The following ATP9A variants were observed in gnomAD, a reference collection of about 807,000 sequenced individuals.
ATP9A encodes ATPase phospholipid transporting 9A, also known as probable phospholipid-transporting ATPase IIA.
In ATP9A, 52 loss-of-function variants were observed where a neutral mutation model predicts 144.1. The observed-to-expected ratio is 0.36, with a 90% CI of 0.29 to 0.45. The LOEUF (loss-of-function observed/expected upper bound fraction) is 0.45. ATP9A is among the 20% of genes least tolerant of loss of function. The pLI is 1.00. For missense variants in ATP9A, 947 were observed against 1,392.7 expected (o/e 0.68, Z 5.09); for synonymous variants, 582 against 557.4 (o/e 1.04, Z -0.62).
intron 7 of ATP9A, among the ~76,000 whole-genome samples, chr20:51,691,480 G>C (rs1328965004): frequency 6.6e-6 from 1 of 152,092 alleles, no homozygotes; most frequent in African/African-American, 2.4e-5. Context: ...AAAAAGAAAA[G>C]AAAATACTCA....
chr20:51,677,445 T>C (rs1170802381), intron 9 of ATP9A, among the ~76,000 whole-genome samples: 2 of 152,050 alleles, frequency 1.3e-5, no homozygotes, highest in African/African-American at 2.4e-5. Flanking sequence ...CCCAGAGCCT[T>C]CTCCTTTTAC....
rs112304769 is a variant in ATP9A at position 51,745,389 on chromosome 20, T to C, written c.69-15411A>G. ...GGAAGAAGTTATAGTGAGCCAATATTCTGCCACTGCACTCCAGCCAGAGTG... is the reference window on the plus strand; with the variant it reads ...GGAAGAAGTTATAGTGAGCCAATATCCTGCCACTGCACTCCAGCCAGAGTG... On this transcript the variant is annotated intron_variant, in intron 1 of 27. Transcript: ENST00000338821. 7.9e-3 allele frequency among the ~76,000 whole-genome samples: 1,193 copies of C among 150,198 alleles called. 17 individuals are homozygous for C. The highest frequency in any genetic ancestry group is 0.027 in the African/African-American group (1,116 of 40,732).
chr20:51,761,763 A>C (rs1365102700), intron 1 of ATP9A, among the ~76,000 whole-genome samples: 2 of 152,018 alleles, frequency 1.3e-5, no homozygotes, highest in African/African-American at 2.4e-5. Flanking sequence ...CCGCCTCAAA[A>C]AAAAAAAAAA....
At chr20:51,651,309 A>T (rs6063689) in intron 14 of ATP9A, among the ~76,000 whole-genome samples, 28,566 of 97,754 alleles carry the variant, frequency 0.29, 5,603 homozygotes, top group East Asian at 0.43. Context: ...ATATTTACAT[A>T]ATATATTATA....
intron 4 of ATP9A, among the ~76,000 whole-genome samples, chr20:51,708,944 G>T (rs1289064565): frequency 1.3e-5 from 2 of 151,972 alleles, no homozygotes; most frequent in African/African-American, 4.8e-5. Flanking sequence ...GACAAACCTG[G>T]TCTGTTCCTG....
At chr20:51,608,697 G>A in intron 24 of ATP9A, 71 bp from the exon 25 acceptor site, 2 of 932,446 alleles carry the variant, frequency 2.1e-6, no homozygotes, top group Non-Finnish European at 3.5e-6. Flanking sequence ...CCAGCCTCCG[G>A]CACCCAAGTC....
At chr20:51,692,319 C>T (rs1360018338) in intron 7 of ATP9A, among the ~76,000 whole-genome samples, 3 of 152,266 alleles carry the variant, frequency 2.0e-5, no homozygotes, top group East Asian at 3.9e-4. Context: ...GATAAGAAAG[C>T]CCAAAAGTGA....
intron 14 of ATP9A, among the ~76,000 whole-genome samples, chr20:51,641,348 G>C (rs1225429048): frequency 1.5e-4 from 23 of 151,802 alleles, no homozygotes; most frequent in Admixed American, 1.5e-3. Flanking sequence ...AACAGAGCGA[G>C]ACTGTATCTC....
At chr20:51,607,828 G>C (rs1350753614) in intron 25 of ATP9A, among the ~76,000 whole-genome samples, 1 of 152,104 alleles carries the variant, frequency 6.6e-6, no homozygotes, top group African/African-American at 2.4e-5. Context: ...TGGATCACTT[G>C]AGGTCAGGAG....
chr20:51,736,001 G>A (rs1321448677), intron 1 of ATP9A, among the ~76,000 whole-genome samples: 3 of 152,212 alleles, frequency 2.0e-5, no homozygotes, highest in Non-Finnish European at 4.4e-5. Context: ...AAGGCCAGGG[G>A]CCAGAGAGTG....
chr20:51,733,671 CCT>C (rs1491199857), intron 1 of ATP9A, among the ~76,000 whole-genome samples: 100 of 12,890 alleles, frequency 7.8e-3, no homozygotes, highest in African/African-American at 0.024. Flanking sequence ...CTGTACCTGG[CCT>C]TTTTTTTTTA....
intron 3 of ATP9A, among the ~76,000 whole-genome samples, chr20:51,724,378 A>T (rs1272402672): frequency 6.6e-6 from 1 of 152,220 alleles, no homozygotes; most frequent in Non-Finnish European, 1.5e-5. Context: ...CTCTAAGCAC[A>T]TGCCTGCTGC....
At chr20:51,710,448 C>T (rs1305142332) in intron 4 of ATP9A, among the ~76,000 whole-genome samples, 1 of 152,154 alleles carries the variant, frequency 6.6e-6, no homozygotes, top group East Asian at 1.9e-4. Flanking sequence ...AGGAATTCGA[C>T]AGGAAAGTCA....
intron 3 of ATP9A, among the ~76,000 whole-genome samples, chr20:51,722,788 T>C (rs918203730): frequency 6.6e-6 from 1 of 152,180 alleles, no homozygotes; most frequent in African/African-American, 2.4e-5. Flanking sequence ...TGGAGATTCC[T>C]TAAAGAACTG....
chr20:51,657,590 C>T (rs550767275), intron 13 of ATP9A, among the ~76,000 whole-genome samples: 21 of 152,256 alleles, frequency 1.4e-4, no homozygotes, highest in Admixed American at 3.9e-4. Context: ...ATGCGCTGGA[C>T]GCCAGCAGCA....
chr20:51,650,125 G>A (rs748600843), intron 14 of ATP9A, among the ~76,000 whole-genome samples: 24 of 152,268 alleles, frequency 1.6e-4, no homozygotes, highest in African/African-American at 5.5e-4. Context: ...CTCAGCCCTC[G>A]CTGAGGTCAC....
chr20:51,637,292 A>G (rs183891372), intron 15 of ATP9A, among the ~76,000 whole-genome samples: 60 of 130,642 alleles, frequency 4.6e-4, no homozygotes, highest in African/African-American at 1.4e-3. Context: ...CTTATTTGAT[A>G]ACTTCCCTAA....
intron 2 of ATP9A, among the ~76,000 whole-genome samples, chr20:51,728,442 C>A (rs1403648678): frequency 6.6e-6 from 1 of 152,032 alleles, no homozygotes; most frequent in Non-Finnish European, 1.5e-5. Context: ...GCCTGGCCAA[C>A]ATGGTGAAAC....
intron 14 of ATP9A, among the ~76,000 whole-genome samples, chr20:51,643,030 C>T (rs1259215262): frequency 1.3e-5 from 2 of 152,156 alleles, no homozygotes; most frequent in Non-Finnish European, 2.9e-5. Flanking sequence ...CTCATTTCTG[C>T]TCCAGCTCTG....
Sources: allele counts gnomAD v4.1 joint callset (sites outside exome capture counted in the v4.1 genomes callset), GRCh38; gene constraint gnomAD v4.1.1; transcripts MANE v1.5; gene names NCBI Gene and HGNC (gene_info 2026-07-23, HGNC 2026-07-21).